Variants in ACOXL observed in about 807,000 individuals in gnomAD.
ACOXL encodes the protein acyl-CoA oxidase like, also known as acyl-coenzyme A oxidase-like protein.
A neutral mutation model predicts 71.9 loss-of-function variants in ACOXL; 70 were observed. The observed-to-expected ratio is 0.97, with a 90% CI of 0.80 to 1.19. ACOXL has a LOEUF of 1.19. ACOXL is among the 50% of genes most tolerant of loss of function. The probability of loss-of-function intolerance (pLI) is 0.00; values close to 1 mark genes in which losing one functional copy is unlikely to be tolerated. For missense variants in ACOXL, 703 were observed against 736.3 expected (o/e 0.95, Z 0.52); for synonymous variants, 253 against 281.6 (o/e 0.90, Z 1.02).
chr2:111,021,562 C>T (rs996477329), intron 14 of ACOXL, among the ~76,000 whole-genome samples: 1 of 152,130 alleles, frequency 6.6e-6, no homozygotes, highest in African/African-American at 2.4e-5. Context: ...GGGAGACTCT[C>T]CTTGAGGACC....
At chr2:110,977,349 A>C (rs1437022837) in intron 12 of ACOXL, among the ~76,000 whole-genome samples, 1 of 151,694 alleles carries the variant, frequency 6.6e-6, no homozygotes, top group Non-Finnish European at 1.5e-5. Flanking sequence ...TCGCCACTGC[A>C]CCCCAGCCTG....
rs1407025098 is a variant in ACOXL at position 110,824,272 on chromosome 2, G to GA, written c.754-17096dup. On this transcript the variant is annotated intron_variant, in intron 9 of 17. Transcript: ENST00000439055. ...TTGCTGTCTTGATTACTATCATCTTGAAATAATCTAATGTGAATCCTTCAA... is the reference window on the plus strand; with the variant it reads ...TTGCTGTCTTGATTACTATCATCTTGAAAATAATCTAATGTGAATCCTTCAA... Among the ~76,000 whole-genome samples, 3 of 152,256 alleles carry GA rather than the reference G, an allele frequency of 2.0e-5. No individual in the cohort carries two copies. The East Asian group carries it at 5.8e-4, about 29-fold the overall frequency.
At chr2:111,067,924 A>C (rs2067150287) in intron 16 of ACOXL, among the ~76,000 whole-genome samples, 1 of 152,192 alleles carries the variant, frequency 6.6e-6, no homozygotes, top group South Asian at 2.1e-4. Flanking sequence ...GTCAGTGGCC[A>C]GGGGCCAGAT....
chr2:110,981,283 G>A (rs917167781), intron 12 of ACOXL, among the ~76,000 whole-genome samples: 5 of 152,128 alleles, frequency 3.3e-5, no homozygotes, highest in Non-Finnish European at 4.4e-5. Context: ...GCTTGAACCC[G>A]GGAAGTGGAG....
At chr2:110,895,960 C>T (rs1214515553) in intron 10 of ACOXL, among the ~76,000 whole-genome samples, 1 of 151,970 alleles carries the variant, frequency 6.6e-6, no homozygotes, top group African/African-American at 2.4e-5. Flanking sequence ...GCAAAACAAA[C>T]AAAAAACACA....
intron 9 of ACOXL, among the ~76,000 whole-genome samples, chr2:110,826,498 C>T (rs1414117725): frequency 6.6e-6 from 1 of 152,110 alleles, no homozygotes; most frequent in Non-Finnish European, 1.5e-5. Context: ...AGAAAGTGTC[C>T]AGTGGTTGCC....
At chr2:110,969,315 T>G (rs948439884) in intron 12 of ACOXL, among the ~76,000 whole-genome samples, 2 of 152,026 alleles carry the variant, frequency 1.3e-5, no homozygotes, top group Non-Finnish European at 2.9e-5. Flanking sequence ...AAGGAAATAA[T>G]AAAGTTAAGA....
intron 17 of ACOXL, among the ~76,000 whole-genome samples, chr2:111,105,695 G>T (rs2069490952): frequency 6.6e-6 from 1 of 151,984 alleles, no homozygotes; most frequent in Non-Finnish European, 1.5e-5. Flanking sequence ...TATTTTATAT[G>T]TTATCTTTTA....
chr2:110,855,971 G>A (rs1693190112), intron 10 of ACOXL, among the ~76,000 whole-genome samples: 1 of 152,170 alleles, frequency 6.6e-6, no homozygotes, highest in African/African-American at 2.4e-5. Flanking sequence ...CTGATGTTCT[G>A]TTTCTGTCCT....
At chr2:111,102,421 A>G (rs2069227322) in intron 17 of ACOXL, among the ~76,000 whole-genome samples, 1 of 152,152 alleles carries the variant, frequency 6.6e-6, no homozygotes, top group South Asian at 2.1e-4. Flanking sequence ...TTCTTCATTC[A>G]AGGGTAACTA....
At chr2:110,818,449 GTGTATA>G (rs1559303131) in intron 9 of ACOXL, among the ~76,000 whole-genome samples, 2 of 144,954 alleles carry the variant, frequency 1.4e-5, no homozygotes, top group African/African-American at 5.1e-5. Context: ...GTGTGTGTGT[GTGTATA>G]TATATATATA....
At position 110,974,037 on chromosome 2, in the gene ACOXL, G is replaced by A. The variant is rs573405201; in HGVS notation, c.1060-13071G>A. Reference sequence around the variant, plus strand: ...GTTGGACCCGGAGTTTTCTGCTGCTGGGCATCCAGGGGTGATGCCTCCACA... The same window carrying A: ...GTTGGACCCGGAGTTTTCTGCTGCTAGGCATCCAGGGGTGATGCCTCCACA... On this transcript the variant is annotated intron_variant, in intron 12 of 17. Coordinates refer to ENST00000439055, the MANE Select transcript of ACOXL (RefSeq NM_001142807.4). Among the ~76,000 whole-genome samples the A allele has an allele frequency of 2.0e-5, 3 of 152,294 alleles. No individual in the cohort carries two copies. In the East Asian group the frequency reaches 5.8e-4, roughly 29 times the overall value.
chr2:110,774,374 AAAG>A (rs1455065791), intron 2 of ACOXL, among the ~76,000 whole-genome samples: 2 of 152,206 alleles, frequency 1.3e-5, no homozygotes, highest in Admixed American at 6.5e-5. Flanking sequence ...GTAAATTGGA[AAAG>A]AAGAAGTAAA....
intron 12 of ACOXL, among the ~76,000 whole-genome samples, chr2:110,947,608 C>T (rs911313112): frequency 2.6e-5 from 4 of 152,206 alleles, no homozygotes; most frequent in Non-Finnish European, 2.9e-5. Flanking sequence ...AACTCTTTCC[C>T]CTTCCCTTCT....
rs547628216 is a variant in ACOXL, at chr2:111,051,105, C to T, written c.1440+1817C>T. Among the ~76,000 whole-genome samples, 4 of 152,244 alleles carry T rather than the reference C, an allele frequency of 2.6e-5. No individual in the cohort carries two copies. The South Asian group carries it at 8.3e-4, about 32-fold the overall frequency. On this transcript the variant is annotated intron_variant, in intron 16 of 17. Transcript: ENST00000439055. ...AGGATGATTTATGTGGGCGTTTTCT[C>T]AATATTTGCAAATATTTGAACAGGC... is the stretch of plus-strand genomic sequence containing the variant.
intron 16 of ACOXL, among the ~76,000 whole-genome samples, chr2:111,083,295 C>T (rs1255050629): frequency 6.6e-6 from 1 of 152,066 alleles, no homozygotes; most frequent in African/African-American, 2.4e-5. Context: ...AGACTATCCT[C>T]AGGTTCAGGG....
chr2:110,981,363 G>A (rs887425502), intron 12 of ACOXL, among the ~76,000 whole-genome samples: 23 of 152,168 alleles, frequency 1.5e-4, no homozygotes, highest in Admixed American at 9.2e-4. Flanking sequence ...ATCTGAAAGC[G>A]TGGACTCTGG....
chr2:110,992,795 C>T (rs1220550850), intron 13 of ACOXL, among the ~76,000 whole-genome samples: 2 of 152,188 alleles, frequency 1.3e-5, no homozygotes, highest in African/African-American at 4.8e-5. Context: ...ACTGGGGCCC[C>T]TCCCACTCTC....
intron 11 of ACOXL, among the ~76,000 whole-genome samples, chr2:110,915,428 A>ATATTTTTT (rs1315085098): frequency 3.7e-5 from 4 of 108,014 alleles, no homozygotes; most frequent in African/African-American, 1.4e-4. Flanking sequence ...ATATATATAT[A>ATATTTTTT]TTTTTTTTTT....
Sources: allele counts gnomAD v4.1 joint callset (sites outside exome capture counted in the v4.1 genomes callset), GRCh38; gene constraint gnomAD v4.1.1; transcripts MANE v1.5; gene names NCBI Gene and HGNC (gene_info 2026-07-23, HGNC 2026-07-21).